The following ACVR1C variants were observed in gnomAD, a reference collection of about 807,000 sequenced individuals.
ACVR1C encodes the protein activin A receptor type 1C.
ACVR1C carries 23 observed loss-of-function variants against 57.9 expected under a neutral mutation model. That is an observed-to-expected ratio of 0.40 (90% CI 0.29 to 0.56). The LOEUF (loss-of-function observed/expected upper bound fraction) is 0.56. Ranked by LOEUF, ACVR1C falls within the 20% of genes least tolerant of loss-of-function variation. The pLI, the probability that ACVR1C is intolerant of heterozygous loss-of-function variation, is 0.50. For synonymous variants in ACVR1C, 214 were observed against 215.3 expected (o/e 0.99, Z 0.05); for missense variants, 480 against 607.9 (o/e 0.79, Z 2.21).
intron 1 of ACVR1C, among the ~76,000 whole-genome samples, chr2:157,617,321 C>T (rs925925181): frequency 2.7e-4 from 41 of 151,984 alleles, no homozygotes; most frequent in Non-Finnish European, 5.4e-4. Flanking sequence ...AAGGGAGAAA[C>T]AGACAAATAC....
At chr2:157,619,478 G>A (rs1682719189) in intron 1 of ACVR1C, among the ~76,000 whole-genome samples, 1 of 151,870 alleles carries the variant, frequency 6.6e-6, no homozygotes, top group Non-Finnish European at 1.5e-5. Context: ...ATTTAATGTG[G>A]GTCAGCAAAC....
chr2:157,556,371 AC>A, intron 2 of ACVR1C, 39 bp from the exon 3 acceptor site: 1 of 1,600,630 alleles, frequency 6.2e-7, no homozygotes. Flanking sequence ...CATAAATCAA[AC>A]CATTTTAAGT....
chr2:157,538,192 A>C (rs902426685), intron 8 of ACVR1C, among the ~76,000 whole-genome samples: 3 of 152,196 alleles, frequency 2.0e-5, no homozygotes, highest in Non-Finnish European at 2.9e-5. Context: ...TTAAAGGGTC[A>C]GTGTGTGATC....
At chr2:157,555,612 G>C (rs894081972) in intron 3 of ACVR1C, among the ~76,000 whole-genome samples, 1 of 151,972 alleles carries the variant, frequency 6.6e-6, no homozygotes, top group Non-Finnish European at 1.5e-5. Flanking sequence ...CACATCTCAG[G>C]GGGTGTCTAT....
intron 3 of ACVR1C, among the ~76,000 whole-genome samples, chr2:157,554,038 C>A (rs1259091717): frequency 6.6e-6 from 1 of 151,200 alleles, no homozygotes; most frequent in Admixed American, 6.6e-5. Context: ...CAAAAATTAG[C>A]CAGGTGTAGT....
At chr2:157,590,920 G>C (rs1412052205) in intron 1 of ACVR1C, among the ~76,000 whole-genome samples, 3 of 151,934 alleles carry the variant, frequency 2.0e-5, no homozygotes, top group African/African-American at 2.4e-5. Context: ...TTATATGAAA[G>C]GCAGGACTAA....
At chr2:157,588,878 T>TATATATAC (rs1318681791) in intron 1 of ACVR1C, among the ~76,000 whole-genome samples, 1 of 139,944 alleles carries the variant, frequency 7.1e-6, no homozygotes, top group African/African-American at 2.7e-5. Flanking sequence ...TATATATATA[T>TATATATAC]ACGTGTGTGT....
intron 1 of ACVR1C, among the ~76,000 whole-genome samples, chr2:157,597,015 G>GA (rs1682141141): frequency 6.6e-6 from 1 of 152,118 alleles, no homozygotes; most frequent in African/African-American, 2.4e-5. Flanking sequence ...AAGGGACGGG[G>GA]CAGGGGCGGG....
At chr2:157,594,668 ATG>A (rs1491284740) in intron 1 of ACVR1C, among the ~76,000 whole-genome samples, 170 of 152,072 alleles carry the variant, frequency 1.1e-3, no homozygotes, top group Non-Finnish European at 2.1e-3. Flanking sequence ...TCTCTGAGTT[ATG>A]TGAGACATCC....
At position 157,549,951 on chromosome 2, in the gene ACVR1C, C is replaced by T. The variant is rs1160503645; in HGVS notation, c.775+211G>A. ...CCGGGAGGCAGAGCTTGCGGTGAGC[C>T]GAGATTGAGCCGCTGCACTCCAGCC... On this transcript the variant is annotated intron_variant, in intron 4 of 8. Coordinates refer to ENST00000243349, the MANE Select transcript of ACVR1C (RefSeq NM_145259.3). 6.2e-5 allele frequency among the ~76,000 whole-genome samples: 9 copies of T among 144,118 alleles called. No individual in the cohort carries two copies. The East Asian group carries it at 1.0e-3, about 16-fold the overall frequency. 94.5% of individuals were successfully genotyped at this position (144,118 alleles called of 152,430 possible). A position where few individuals can be genotyped will look rare whatever the true frequency, so the allele number is the denominator to read the frequency against.
chr2:157,548,797 C>T (rs1036678522), intron 4 of ACVR1C, among the ~76,000 whole-genome samples: 9 of 152,108 alleles, frequency 5.9e-5, no homozygotes, highest in East Asian at 1.9e-4. Flanking sequence ...TACTTGGCAC[C>T]GTTAATGGTG....
intron 1 of ACVR1C, among the ~76,000 whole-genome samples, chr2:157,625,244 C>T (rs1334977723): frequency 6.6e-6 from 1 of 152,116 alleles, no homozygotes; most frequent in Non-Finnish European, 1.5e-5. Flanking sequence ...TGCAGTCTGC[C>T]CCACCCCAAT....
chr2:157,555,522 G>A (rs1688079436), intron 3 of ACVR1C, among the ~76,000 whole-genome samples: 2 of 152,188 alleles, frequency 1.3e-5, no homozygotes. Flanking sequence ...ATGCTGCACT[G>A]CTCTCTTTAA....
chr2:157,599,194 C>T lies in ACVR1C; in HGVS notation c.74-11777G>A, dbSNP rs1275863505. Among the ~76,000 whole-genome samples the T allele has an allele frequency of 2.0e-5, 3 of 151,360 alleles. No individual in the cohort carries two copies. In the East Asian group the frequency reaches 5.8e-4, roughly 29 times the overall value. ...CTAAAAATACCAAAAATTAGCCAGGCGTGGTGGCGGGCGCCTACAGTCCCA... is the reference window on the plus strand; with the variant it reads ...CTAAAAATACCAAAAATTAGCCAGGTGTGGTGGCGGGCGCCTACAGTCCCA... On this transcript the variant is annotated intron_variant, in intron 1 of 8. Coordinates refer to ENST00000243349, the MANE Select transcript of ACVR1C (RefSeq NM_145259.3).
chr2:157,555,419 G>A (rs1355386581), intron 3 of ACVR1C, among the ~76,000 whole-genome samples: 4 of 152,132 alleles, frequency 2.6e-5, no homozygotes, highest in Admixed American at 6.5e-5. Flanking sequence ...GCGCCCGGCC[G>A]GTACTTTGAA....
Position 157,587,171 on chromosome 2 carries a change from A to G in ACVR1C, c.304+16T>C. The G allele has an allele frequency of 6.3e-7, 1 of 1,586,188 alleles. No homozygotes were observed. Among genetic ancestry groups the G allele is most frequent in the East Asian group, 2.2e-5 (1 of 44,730 alleles). On this transcript the variant is annotated intron_variant, in intron 2 of 8. Coordinates refer to ENST00000243349, the MANE Select transcript of ACVR1C (RefSeq NM_145259.3). ...AGTAAAATTAAATTCGGAATGAACA[A>G]AGATAAACCCCTTACCTGTTGGAAG...
chr2:157,621,905 C>T (rs1400584379), intron 1 of ACVR1C, among the ~76,000 whole-genome samples: 2 of 152,064 alleles, frequency 1.3e-5, no homozygotes. Flanking sequence ...AAAAGAAGAG[C>T]GTATTCAAGT....
intron 1 of ACVR1C, among the ~76,000 whole-genome samples, chr2:157,608,465 G>A (rs1199255541): frequency 6.6e-6 from 1 of 151,608 alleles, no homozygotes; most frequent in Non-Finnish European, 1.5e-5. Context: ...TTGTGTCGTT[G>A]TCTAGGGCTA....
At chr2:157,622,985 A>G (rs930282040) in intron 1 of ACVR1C, among the ~76,000 whole-genome samples, 1 of 152,234 alleles carries the variant, frequency 6.6e-6, no homozygotes, top group Non-Finnish European at 1.5e-5. Flanking sequence ...ATGACATACA[A>G]ATGGCAAACA....
Sources: allele counts gnomAD v4.1 joint callset (sites outside exome capture counted in the v4.1 genomes callset), GRCh38; gene constraint gnomAD v4.1.1; transcripts MANE v1.5; gene names NCBI Gene and HGNC (gene_info 2026-07-23, HGNC 2026-07-21).